The following PPP2R5E variants were observed in gnomAD, a reference collection of about 807,000 sequenced individuals.
PPP2R5E encodes serine/threonine-protein phosphatase 2A 56 kDa regulatory subunit epsilon isoform.
A neutral mutation model predicts 65.3 loss-of-function variants in PPP2R5E; 4 were observed. The ratio of observed to expected loss-of-function variants is 0.06; its 90% CI spans 0.03 to 0.14. The LOEUF (loss-of-function observed/expected upper bound fraction) is 0.14, where lower values mean the gene tolerates loss of function less well. Among genes scored for constraint, PPP2R5E ranks in the 10% least tolerant of loss-of-function variants. The pLI is 1.00. For missense variants in PPP2R5E, 274 were observed against 556.1 expected, an observed-to-expected ratio of 0.49 and a Z score of 5.10; for synonymous variants, 183 against 187.4, an observed-to-expected ratio of 0.98 and a Z score of 0.19.
intron 4 of PPP2R5E, among the ~76,000 whole-genome samples, chr14:63,417,344 T>C (rs948912817): frequency 2.0e-5 from 3 of 152,196 alleles, no homozygotes; most frequent in African/African-American, 7.2e-5. Flanking sequence ...AATTCTGCAT[T>C]AATGCTCTAA....
chr14:63,393,753 T>C, intron 8 of PPP2R5E, 67 bp downstream of exon 8: 1 of 1,097,698 alleles, frequency 9.1e-7, no homozygotes, highest in South Asian at 1.4e-5. Context: ...GTTATATCAA[T>C]ATCAAAAAAA....
At chr14:63,419,680 T>G (rs74060081) in intron 4 of PPP2R5E, among the ~76,000 whole-genome samples, 1 of 152,188 alleles carries the variant, frequency 6.6e-6, no homozygotes, top group Non-Finnish European at 1.5e-5. Context: ...AACTTTACTA[T>G]GAATGAAGGT....
intron 3 of PPP2R5E, among the ~76,000 whole-genome samples, chr14:63,441,008 C>G (rs1888210322): frequency 6.7e-6 from 1 of 149,726 alleles, no homozygotes; most frequent in South Asian, 2.1e-4. Context: ...GTTCAAATCT[C>G]AATCACCCAG....
At chr14:63,483,256 A>G (rs1400530065) in intron 2 of PPP2R5E, among the ~76,000 whole-genome samples, 2 of 152,210 alleles carry the variant, frequency 1.3e-5, no homozygotes, top group East Asian at 3.9e-4. Context: ...GGGGGGTCAC[A>G]GTTTTAAACA....
intron 11 of PPP2R5E, among the ~76,000 whole-genome samples, chr14:63,385,700 C>A (rs1884623125): frequency 1.3e-5 from 2 of 152,148 alleles, no homozygotes; most frequent in South Asian, 4.1e-4. Context: ...CCATTGTGCT[C>A]ATTTTACAGG....
intron 8 of PPP2R5E, among the ~76,000 whole-genome samples, chr14:63,392,903 T>C (rs946991210): frequency 3.3e-5 from 5 of 152,128 alleles, no homozygotes; most frequent in Non-Finnish European, 7.3e-5. Flanking sequence ...CAATAACTTA[T>C]CTACCCCCAG....
chr14:63,524,251 G>T (rs1327289809), intron 2 of PPP2R5E, among the ~76,000 whole-genome samples: 1 of 152,200 alleles, frequency 6.6e-6, no homozygotes, highest in East Asian at 1.9e-4. Flanking sequence ...CATAACGGAT[G>T]AACTTTTGCC....
chr14:63,520,148 G>A (rs1007427762), intron 2 of PPP2R5E, among the ~76,000 whole-genome samples: 9 of 152,206 alleles, frequency 5.9e-5, no homozygotes, highest in East Asian at 1.9e-4. Flanking sequence ...CCATTCTCCC[G>A]CCTCAGCCTC....
intron 2 of PPP2R5E, among the ~76,000 whole-genome samples, chr14:63,514,150 C>T (rs1892569704): frequency 1.3e-5 from 2 of 152,180 alleles, no homozygotes; most frequent in Admixed American, 6.5e-5. Context: ...ACTATTTCCG[C>T]TCTCCAAATC....
chr14:63,524,942 C>T (rs889919082), intron 2 of PPP2R5E, among the ~76,000 whole-genome samples: 2 of 152,198 alleles, frequency 1.3e-5, no homozygotes, highest in Non-Finnish European at 2.9e-5. Context: ...ACCAAGATTG[C>T]GGTTAGCTGT....
intron 11 of PPP2R5E, among the ~76,000 whole-genome samples, chr14:63,388,204 G>C (rs941003013): frequency 6.6e-6 from 1 of 150,830 alleles, no homozygotes; most frequent in Non-Finnish European, 1.5e-5. Context: ...ACAATGGCAT[G>C]ATCTCAGCTC....
intron 2 of PPP2R5E, among the ~76,000 whole-genome samples, chr14:63,514,622 A>C (rs1892591532): frequency 6.6e-6 from 1 of 152,184 alleles, no homozygotes; most frequent in African/African-American, 2.4e-5. Flanking sequence ...ATACACAAAG[A>C]ATTCCTTTCC....
At chr14:63,522,600 C>T (rs1400181457) in intron 2 of PPP2R5E, among the ~76,000 whole-genome samples, 2 of 144,610 alleles carry the variant, frequency 1.4e-5, no homozygotes, top group South Asian at 2.1e-4. Flanking sequence ...CCCGCCGCCC[C>T]GTCTGGGATG....
At chr14:63,479,807 A>G (rs1373821129) in intron 2 of PPP2R5E, among the ~76,000 whole-genome samples, 1 of 152,336 alleles carries the variant, frequency 6.6e-6, no homozygotes, top group East Asian at 1.9e-4. Flanking sequence ...ATTAGGTTAA[A>G]CCATATGCAA....
rs567683918 is a variant in PPP2R5E at position 63,406,703 on chromosome 14, C to T, written c.549+8437G>A. Among the ~76,000 whole-genome samples the T allele has an allele frequency of 5.3e-5, 8 of 152,286 alleles. No individual in the cohort carries two copies. In the South Asian group the frequency reaches 1.0e-3, roughly 20 times the overall value. ...TGGTTTTCACACATTATAAATTATACGTTCCTGGCACTAATAAACATTTAT... is the reference window on the plus strand; with the variant it reads ...TGGTTTTCACACATTATAAATTATATGTTCCTGGCACTAATAAACATTTAT... On this transcript the variant is annotated intron_variant, in intron 5 of 13. Coordinates refer to ENST00000337537, the MANE Select transcript of PPP2R5E (RefSeq NM_006246.5).
chr14:63,505,438 G>T lies in PPP2R5E; in HGVS notation c.157+34091C>A, dbSNP rs72714297. 9.8e-3 allele frequency among the ~76,000 whole-genome samples: 1,484 copies of T among 152,204 alleles called. 14 individuals are homozygous for T. Among genetic ancestry groups the T allele is most frequent in the Non-Finnish European group, 0.016 (1,069 of 68,012 alleles). On this transcript the variant is annotated intron_variant, in intron 2 of 13. Transcript: ENST00000337537. Reference sequence around the variant, plus strand: ...TTGAAGAAATCCCATAAACACCATGGTCATTACGATACATTAATAATGACA... The same window carrying T: ...TTGAAGAAATCCCATAAACACCATGTTCATTACGATACATTAATAATGACA...
Position 63,467,222 on chromosome 14 carries a change from C to CAAAAAAAAAAAAA in PPP2R5E, c.158-13338_158-13337insTTTTTTTTTTTTT, listed in dbSNP as rs767892639. ...TGGGTGACAGAGCAAGACTCCGTCT[C>CAAAAAAAAAAAAA]AAAAAAAACAAACAAACAAACAAAA... On this transcript the variant is annotated intron_variant, in intron 2 of 13. Coordinates refer to ENST00000337537, the MANE Select transcript of PPP2R5E (RefSeq NM_006246.5). Among the ~76,000 whole-genome samples, 40 of 114,382 alleles carry CAAAAAAAAAAAAA rather than the reference C, an allele frequency of 3.5e-4. 2 individuals are homozygous for CAAAAAAAAAAAAA. Among genetic ancestry groups the CAAAAAAAAAAAAA allele is most frequent in the African/African-American group, 9.8e-4 (22 of 22,476 alleles). The allele number at this position is 114,382 out of a possible 152,430, so 75.0% of individuals were successfully genotyped here. A position where few individuals can be genotyped will look rare whatever the true frequency, so the allele number is the denominator to read the frequency against.
At chr14:63,513,017 C>A in intron 2 of PPP2R5E, among the ~76,000 whole-genome samples, 2 of 151,708 alleles carry the variant, frequency 1.3e-5, no homozygotes, top group Non-Finnish European at 2.9e-5. Flanking sequence ...AAGAAAACAA[C>A]AACAACAACA....
chr14:63,396,551 T>G (rs2139802205), intron 6 of PPP2R5E, 35 bp downstream of exon 6: 2 of 1,605,756 alleles, frequency 1.2e-6, no homozygotes, highest in Non-Finnish European at 1.7e-6. Context: ...ACACCAACTT[T>G]GCTTCTCCTT....
Sources: gnomAD v4.1 joint callset for allele counts (sites outside exome capture counted in the v4.1 genomes callset) on GRCh38, gnomAD v4.1.1 for gene constraint, MANE v1.5 for transcripts, NCBI Gene and HGNC (gene_info 2026-07-23, HGNC 2026-07-21) for gene names.